Variants in SMAP2 observed in about 807,000 individuals in gnomAD.
SMAP2 encodes the protein small ArfGAP2.
SMAP2 carries 25 observed loss-of-function variants against 56.4 expected under a neutral mutation model. The observed-to-expected ratio is 0.44, with a 90% CI of 0.32 to 0.62. The LOEUF (loss-of-function observed/expected upper bound fraction) is 0.62, where lower values mean the gene tolerates loss of function less well. Ranked by LOEUF, SMAP2 falls within the 20% of genes least tolerant of loss-of-function variation. The pLI is 0.04. For synonymous variants in SMAP2, 157 were observed against 181.7 expected (o/e 0.86, Z 1.09); for missense variants, 388 against 545.6 (o/e 0.71, Z 2.88).
chr1:40,418,512 G>C (rs1460918342), intron 9 of SMAP2, among the ~76,000 whole-genome samples: 1 of 152,098 alleles, frequency 6.6e-6, no homozygotes, highest in Non-Finnish European at 1.5e-5. Flanking sequence ...AGAAATAAAA[G>C]ACTTGGATAT....
chr1:40,361,325 G>A (rs916340415), intron 1 of SMAP2, among the ~76,000 whole-genome samples: 8 of 152,158 alleles, frequency 5.3e-5, no homozygotes, highest in African/African-American at 1.4e-4. Flanking sequence ...CTTGGGCCCC[G>A]AATGATCAGC....
chr1:40,365,368 TA>T (rs1209481029), intron 2 of SMAP2, among the ~76,000 whole-genome samples: 1 of 152,050 alleles, frequency 6.6e-6, no homozygotes, highest in East Asian at 1.9e-4. Flanking sequence ...CAAAACAAAA[TA>T]AAAACAATAA....
intron 1 of SMAP2, among the ~76,000 whole-genome samples, chr1:40,348,649 C>G (rs941833980): frequency 1.3e-4 from 19 of 151,804 alleles, no homozygotes; most frequent in African/African-American, 3.9e-4. Context: ...TTCACTCAAG[C>G]CTGGGTGACA....
chr1:40,353,291 A>G (rs1180430708), intron 1 of SMAP2, among the ~76,000 whole-genome samples: 1 of 152,192 alleles, frequency 6.6e-6, no homozygotes, highest in Non-Finnish European at 1.5e-5. Context: ...AGCTGTGGTG[A>G]CCATCTTGTG....
At chr1:40,412,116 T>A (rs1644941950) in intron 4 of SMAP2, among the ~76,000 whole-genome samples, 1 of 152,224 alleles carries the variant, frequency 6.6e-6, no homozygotes, top group African/African-American at 2.4e-5. Flanking sequence ...ATAAATGTTA[T>A]TTAATTTTTT....
In SMAP2 at chr1:40,415,290, C is replaced by T. The variant is rs1327992942; in HGVS notation, c.590C>T (p.Ser197Phe). 6.2e-7 allele frequency: 1 copy of T among 1,613,792 alleles called. No individual in the cohort carries two copies. The highest frequency in any genetic ancestry group is 1.1e-5 in the South Asian group (1 of 91,070). ...TTTCTAGATGCTCCTGTGGCCTGCT[C>T]CATTGCAAATAGTAAGACCAGCAAT... Reference protein sequence around the residue: ...LLGLDAPVACSIANSKTSNTL... With the variant: ...LLGLDAPVACFIANSKTSNTL... The change falls in exon 7 of 10, where the codon TCC becomes TTC. Residue 197 changes from serine to phenylalanine, a missense_variant. Transcript: ENST00000372718.
chr1:40,374,435 G>A lies in SMAP2; in HGVS notation c.103+212G>A, dbSNP rs1170615284. The stretch of plus-strand genomic sequence containing the variant: ...AGGGCGAGTCTGTGTGTGTCGGGGA[G>A]GGTGGAGGTGATGGTGCGGGTGGAA... On this transcript the variant is annotated intron_variant, in intron 1 of 9. Transcript: ENST00000372718. This position sits in a 1 kb window ranked among gnomAD's most constrained non-coding sequence, Gnocchi z 5.9. 6.6e-6 allele frequency among the ~76,000 whole-genome samples: 1 copy of A among 152,118 alleles called. No homozygotes were observed. The highest frequency in any genetic ancestry group is 2.4e-5 in the African/African-American group (1 of 41,412).
At chr1:40,366,259 C>T (rs1480162658) in intron 2 of SMAP2, among the ~76,000 whole-genome samples, 5 of 149,578 alleles carry the variant, frequency 3.3e-5, no homozygotes, top group African/African-American at 9.8e-5. Context: ...GAGAATGGAA[C>T]CAAGTTGGAA....
rs140140096 is a variant in SMAP2, at chr1:40,407,788, TATC to T, written c.238-861_238-859del. Among the ~76,000 whole-genome samples the T allele has an allele frequency of 6.0e-3, 919 of 152,324 alleles. 9 individuals carry two copies. Among genetic ancestry groups the T allele is most frequent in the African/African-American group, 0.021 (862 of 41,578 alleles). ...ACAATGTGTATATTAGATTTATTGT[TATC>T]ATCTTTAAAAAGCTGTAACAGCTGG... is the stretch of plus-strand genomic sequence containing the variant. On this transcript the variant is annotated intron_variant, in intron 2 of 9. Transcript: ENST00000372718.
intron 1 of SMAP2, among the ~76,000 whole-genome samples, chr1:40,375,402 G>C (rs1419185096): frequency 6.6e-6 from 1 of 152,156 alleles, no homozygotes; most frequent in Non-Finnish European, 1.5e-5. Flanking sequence ...AGAAAGGAAG[G>C]ACATATTTAA....
chr1:40,346,928 C>T (rs1644388536), intron 1 of SMAP2, among the ~76,000 whole-genome samples: 1 of 151,910 alleles, frequency 6.6e-6, no homozygotes, highest in South Asian at 2.1e-4. Flanking sequence ...TAGCTCACTG[C>T]AGCCTGGGAC....
chr1:40,373,535 C>A (rs896089804), upstream of SMAP2, among the ~76,000 whole-genome samples: 2 of 152,218 alleles, frequency 1.3e-5, no homozygotes, highest in African/African-American at 4.8e-5. Context: ...TCATTCTCTT[C>A]CAAGGACACG....
At chr1:40,409,911 G>A in intron 4 of SMAP2, 76 bp downstream of exon 4, 1 of 995,150 alleles carries the variant, frequency 1.0e-6, no homozygotes, top group Non-Finnish European at 1.6e-6. Context: ...ACACGTTGAA[G>A]AACTGCTACC....
chr1:40,347,070 G>T (rs1644389384), intron 1 of SMAP2, among the ~76,000 whole-genome samples: 1 of 145,124 alleles, frequency 6.9e-6, no homozygotes, highest in Non-Finnish European at 1.5e-5. Context: ...TTGAGACACG[G>T]TCTCACTCTG....
chr1:40,348,050 A>G (rs1008188622), intron 1 of SMAP2, among the ~76,000 whole-genome samples: 9 of 152,188 alleles, frequency 5.9e-5, no homozygotes, highest in African/African-American at 2.2e-4. Context: ...TAATCCCAGC[A>G]CTTCAGGAGG....
At chr1:40,367,929 G>A (rs1644484215) in intron 2 of SMAP2, among the ~76,000 whole-genome samples, 1 of 124,196 alleles carries the variant, frequency 8.1e-6, no homozygotes, top group Non-Finnish European at 1.7e-5. Flanking sequence ...TTTTTTGAAA[G>A]GATCAACAAA....
chr1:40,352,669 G>C (rs1644413820), intron 1 of SMAP2, among the ~76,000 whole-genome samples: 1 of 151,942 alleles, frequency 6.6e-6, no homozygotes, highest in Non-Finnish European at 1.5e-5. Context: ...TAGGACTACA[G>C]CAGCAAGCCA....
rs1645051078 is a variant in SMAP2 at position 40,422,258 on chromosome 1, C to T, written c.*157C>T. On this transcript the variant is annotated 3_prime_UTR_variant, in exon 10 of 10. Transcript: ENST00000372718. ...GGTTTGGCATCCTGCCCAGCCACTT[C>T]CCAAACATGAAGACCTCTCTGTTGC... The T allele has an allele frequency of 3.0e-6, 3 of 985,766 alleles. No individual in the cohort carries two copies. The South Asian group carries it at 4.7e-5, about 16-fold the overall frequency. 61.1% of individuals were successfully genotyped at this position (985,766 alleles called of 1,614,324 possible). A position where few individuals can be genotyped will look rare whatever the true frequency, so the allele number is the denominator to read the frequency against.
chr1:40,411,870 C>T (rs1644939163), intron 4 of SMAP2, among the ~76,000 whole-genome samples: 1 of 152,136 alleles, frequency 6.6e-6, no homozygotes, highest in Admixed American at 6.5e-5. Flanking sequence ...CATACATACT[C>T]TCACTATCTT....
Sources: gnomAD v4.1 joint callset for allele counts (sites outside exome capture counted in the v4.1 genomes callset) on GRCh38, gnomAD v4.1.1 for gene constraint, Gnocchi (gnomAD v3.1) non-coding constraint, MANE v1.5 for transcripts, NCBI Gene and HGNC (gene_info 2026-07-23, HGNC 2026-07-21) for gene names.